HMCN2: variants seen among roughly 807,000 people sequenced by gnomAD.
The protein encoded by HMCN2 is hemicentin-2.
HMCN2 carries 325 observed loss-of-function variants against 377.5 expected under a neutral mutation model. That is an observed-to-expected ratio of 0.86 (90% CI 0.79 to 0.94). The LOEUF is 0.94. Ranked by LOEUF, HMCN2 falls within the 40% of genes least tolerant of loss-of-function variation. The pLI is 0.00. For synonymous variants in HMCN2, 2,007 were observed against 2,046.8 expected (o/e 0.98, Z 0.53); for missense variants, 4,543 against 4,725.3 (o/e 0.96, Z 1.13).
intron 23 of HMCN2, among the ~76,000 whole-genome samples, chr9:130,340,208 CA>C (rs1418893988): frequency 6.6e-6 from 1 of 152,218 alleles, no homozygotes; most frequent in Non-Finnish European, 1.5e-5. Flanking sequence ...AAGCCACAGC[CA>C]GGGGGAGGGA....
At chr9:130,325,563 C>T (rs1838090006) in intron 19 of HMCN2, 32 bp from the exon 20 acceptor site, 1 of 152,382 alleles carries the variant, frequency 6.6e-6, no homozygotes, top group East Asian at 1.9e-4. Context: ...CTGCAATGAG[C>T]CTTGGCTTTG....
intron 84 of HMCN2, among the ~76,000 whole-genome samples, chr9:130,409,959 C>G (rs1588417243): frequency 6.6e-6 from 1 of 152,198 alleles, no homozygotes; most frequent in South Asian, 2.1e-4. Context: ...GTGATGTGAG[C>G]CAGCGCGCCA....
intron 1 of HMCN2, among the ~76,000 whole-genome samples, chr9:130,283,235 T>C (rs1237296469): frequency 3.3e-5 from 5 of 152,088 alleles, no homozygotes; most frequent in African/African-American, 7.2e-5. Context: ...TGTTGTCTTA[T>C]GTTGGCGTGG....
intron 95 of HMCN2, chr9:130,430,913 A>G (rs1264217857): frequency 9.4e-6 from 4 of 426,880 alleles, no homozygotes; most frequent in Non-Finnish European, 1.7e-5. Context: ...CACTCCTCTT[A>G]GCACTCAGAG....
rs528730262 is a variant in HMCN2, at chr9:130,347,935, AC to A, written c.4024+579del. The stretch of plus-strand genomic sequence containing the variant: ...AGCCCACCTCCGGGTTAAAACTGTT[AC>A]CCCTGGTCTCTTCTCACATTCTTGT... On this transcript the variant is annotated intron_variant, in intron 26 of 97. Coordinates refer to ENST00000683500, the MANE Select transcript of HMCN2 (RefSeq NM_001291815.2). This position sits in a 1 kb window ranked among gnomAD's most constrained non-coding sequence, Gnocchi z 5.1. The A allele has an allele frequency of 9.3e-4, 871 of 935,724 alleles. 11 individuals are homozygous for A. The African/African-American group carries it at 0.015, about 16-fold the overall frequency. 58.0% of individuals were successfully genotyped at this position (935,724 alleles called of 1,614,324 possible).
intron 31 of HMCN2, among the ~76,000 whole-genome samples, chr9:130,354,393 C>T (rs562124043): frequency 9.6e-4 from 146 of 152,304 alleles, no homozygotes; most frequent in African/African-American, 3.3e-3. Context: ...AGGGGACTTC[C>T]AGGAGCAGAG....
At chr9:130,397,746 G>A in intron 74 of HMCN2, 91 bp downstream of exon 74, 1 of 1,148,924 alleles carries the variant, frequency 8.7e-7, no homozygotes, top group Non-Finnish European at 1.1e-6. Flanking sequence ...TAGGGGCCAA[G>A]AGCCAATGGT....
chr9:130,341,634 G>A (rs1450864542), intron 24 of HMCN2, among the ~76,000 whole-genome samples: 1 of 152,192 alleles, frequency 6.6e-6, no homozygotes, highest in Non-Finnish European at 1.5e-5. Flanking sequence ...CCCTTGGGTG[G>A]TGACCTGTGG....
At chr9:130,362,308 A>C in intron 39 of HMCN2, 143 bp downstream of exon 39, 1 of 393,214 alleles carries the variant, frequency 2.5e-6, no homozygotes, top group Non-Finnish European at 3.5e-6. Context: ...GGGACTGAAC[A>C]GAGAGGCTGG....
chr9:130,336,648 G>C, intron 22 of HMCN2, among the ~76,000 whole-genome samples: 1 of 152,162 alleles, frequency 6.6e-6, no homozygotes, highest in East Asian at 1.9e-4. Flanking sequence ...CATCCTCAGA[G>C]AACTTGTCCC....
chr9:130,356,962 G>A (rs1402358843), intron 34 of HMCN2, among the ~76,000 whole-genome samples: 1 of 151,438 alleles, frequency 6.6e-6, no homozygotes, highest in Non-Finnish European at 1.5e-5. Flanking sequence ...AGATAGAAGG[G>A]TGGATGGATG....
At chr9:130,402,398 C>G (rs1842894672) in intron 77 of HMCN2, among the ~76,000 whole-genome samples, 1 of 152,192 alleles carries the variant, frequency 6.6e-6, no homozygotes. Flanking sequence ...TCCTGGGAGG[C>G]TTCCTAGAGG....
chr9:130,382,642 T>G, intron 55 of HMCN2, 37 bp from the exon 56 acceptor site: 334 of 373,340 alleles, frequency 8.9e-4, no homozygotes, highest in Middle Eastern at 2.8e-3. Context: ...CCCAGGGACC[T>G]GTGCCAGCCC....
At chr9:130,398,528 C>G (rs1588394427) in intron 74 of HMCN2, 23 bp from the exon 75 acceptor site, 2 of 1,188,472 alleles carry the variant, frequency 1.7e-6, no homozygotes, top group East Asian at 1.2e-4. Context: ...GCACCTGTCT[C>G]CTGACCACTG....
In HMCN2 at chr9:130,428,214, G is replaced by A; in HGVS notation, c.14066-144G>A. 1 of 938,598 alleles carries A rather than the reference G, an allele frequency of 1.1e-6. No homozygotes were observed. The allele number at this position is 938,598 out of a possible 1,614,324, so 58.1% of individuals were successfully genotyped here. A position where few individuals can be genotyped will look rare whatever the true frequency, so the allele number is the denominator to read the frequency against. On this transcript the variant is annotated intron_variant, in intron 92 of 97. Coordinates refer to ENST00000683500, the MANE Select transcript of HMCN2 (RefSeq NM_001291815.2). The surrounding 1 kb of genome is among the most constrained non-coding windows in gnomAD (Gnocchi z 5.0). Reference sequence around the variant, plus strand: ...GATAGGGAGCAAGACAATGGAAAGAGCTAGCAGAAGGGGTGGGGACCTTCC... The same window carrying A: ...GATAGGGAGCAAGACAATGGAAAGAACTAGCAGAAGGGGTGGGGACCTTCC...
intron 22 of HMCN2, among the ~76,000 whole-genome samples, chr9:130,333,079 T>C (rs1838512667): frequency 6.6e-6 from 1 of 151,964 alleles, no homozygotes; most frequent in African/African-American, 2.4e-5. Context: ...GAAGGGAGTG[T>C]GTGGCATGGA....
chr9:130,365,452 C>T (rs1384835384), intron 41 of HMCN2, among the ~76,000 whole-genome samples, 179 bp from the exon 42 acceptor site: 1 of 152,250 alleles, frequency 6.6e-6, no homozygotes, highest in African/African-American at 2.4e-5. Context: ...ACCACAGGCA[C>T]GTGCTTCTGG....
intron 75 of HMCN2, among the ~76,000 whole-genome samples, 185 bp from the exon 76 acceptor site, chr9:130,399,326 C>T (rs377190869): frequency 4.0e-5 from 6 of 150,424 alleles, no homozygotes; most frequent in Non-Finnish European, 7.4e-5. Context: ...GGGATGAAAA[C>T]GAAAATCACT....
rs568140210 is a variant in HMCN2 at position 130,364,542 on chromosome 9, G to A, written c.6233-172G>A. On this transcript the variant is annotated intron_variant, in intron 40 of 97. Coordinates refer to ENST00000683500, the MANE Select transcript of HMCN2 (RefSeq NM_001291815.2). ...AACATGCTGCAGAGATCTGGGATGT[G>A]GATATCGTGACAATTTTACTCAGAC... is the stretch of plus-strand genomic sequence containing the variant. 2.6e-5 allele frequency among the ~76,000 whole-genome samples: 4 copies of A among 152,312 alleles called. No individual in the cohort carries two copies. The East Asian group carries it at 7.7e-4, about 29-fold the overall frequency.
Sources: gnomAD v4.1 joint callset for allele counts (sites outside exome capture counted in the v4.1 genomes callset) on GRCh38, gnomAD v4.1.1 for gene constraint, Gnocchi (gnomAD v3.1) non-coding constraint, MANE v1.5 for transcripts, NCBI Gene and HGNC (gene_info 2026-07-23, HGNC 2026-07-21) for gene names.